COLEC12: variants seen among roughly 807,000 people sequenced by gnomAD.
COLEC12 encodes the protein collectin-12.
COLEC12 carries 33 observed loss-of-function variants against 71.1 expected under a neutral mutation model. The observed-to-expected ratio is 0.46, with a 90% confidence interval of 0.35 to 0.62. The LOEUF is 0.62. Among genes scored for constraint, COLEC12 ranks in the 20% least tolerant of loss-of-function variants. The pLI is 0.00. For synonymous variants in COLEC12, 350 were observed against 353.0 expected, an observed-to-expected ratio of 0.99 and a Z score of 0.10; for missense variants, 765 against 916.1, an observed-to-expected ratio of 0.84 and a Z score of 2.13.
At chr18:352,176 C>A (rs1006888340) in intron 3 of COLEC12, among the ~76,000 whole-genome samples, 2 of 152,158 alleles carry the variant, frequency 1.3e-5, no homozygotes, top group African/African-American at 4.8e-5. Context: ...ACTCCTAAAT[C>A]CCTGGAAACT....
Position 319,382 on chromosome 18 carries a change from AT to A in COLEC12, c.*662del, listed in dbSNP as rs1189868468. 11 of 141,632 alleles carry A rather than the reference AT, an allele frequency of 7.8e-5. No homozygotes were observed. The highest frequency in any genetic ancestry group is 1.5e-4 in the Non-Finnish European group (10 of 65,322). The allele number at this position is 141,632 out of a possible 1,614,324, so 8.8% of individuals were successfully genotyped here. On this transcript the variant is annotated 3_prime_UTR_variant, in exon 10 of 10. Transcript: ENST00000400256. ...TATATATACACATGTATATTTAATT[AT>A]TTTTTTAAAGCCACAATTGAAAAAA...
chr18:335,189 G>A lies in COLEC12; in HGVS notation c.1369C>T (p.Gln457Ter), dbSNP rs1359838524. ...TTGCCAGTTGGGCCAGGGGGTCCCT[G>A]GGATCCTCTGTCACCTCTTGGACCC... is the stretch of plus-strand genomic sequence containing the variant. ...PRGPRGDRGS[Q>*]GPPGPTGNKG... The change falls in exon 6 of 10, where the codon CAG becomes TAG. Residue 457 changes from glutamine to a stop codon, truncating the protein, a stop_gained. Coordinates refer to ENST00000400256, the MANE Select transcript of COLEC12 (RefSeq NM_130386.3). LOFTEE classifies it high-confidence loss of function. The A allele has an allele frequency of 6.2e-7, 1 of 1,611,034 alleles. No individual in the cohort carries two copies. The highest frequency in any genetic ancestry group is 1.7e-5 in the Admixed American group (1 of 59,434).
chr18:407,305 C>A (rs1915809624), intron 2 of COLEC12, among the ~76,000 whole-genome samples: 1 of 152,078 alleles, frequency 6.6e-6, no homozygotes. Flanking sequence ...GGAACAGAAC[C>A]AATAGGTAGT....
Position 357,261 on chromosome 18 carries a change from G to A in COLEC12, c.181+139C>T, listed in dbSNP as rs2143501094. The stretch of plus-strand genomic sequence containing the variant: ...CATAGCTGTAAGTTTAAGATACAGA[G>A]ATGAAGTTTATCATGTTGTTATTTT... On this transcript the variant is annotated intron_variant, in intron 3 of 9. Transcript: ENST00000400256. 3 of 750,986 alleles carry A rather than the reference G, an allele frequency of 4.0e-6. No homozygotes were observed. The East Asian group carries it at 8.3e-5, about 21-fold the overall frequency. 46.5% of individuals were successfully genotyped at this position (750,986 alleles called of 1,614,324 possible).
chr18:341,216 G>A (rs539498734), intron 5 of COLEC12, among the ~76,000 whole-genome samples: 20 of 152,288 alleles, frequency 1.3e-4, no homozygotes, highest in African/African-American at 4.3e-4. Context: ...ATTCATGGTG[G>A]AAGCATGAAT....
intron 2 of COLEC12, among the ~76,000 whole-genome samples, chr18:364,319 A>G (rs190041023): frequency 6.6e-6 from 1 of 152,330 alleles, no homozygotes; most frequent in Admixed American, 6.5e-5. Context: ...TAGTGTCTCA[A>G]AAGAACGCCA....
intron 2 of COLEC12, among the ~76,000 whole-genome samples, chr18:392,740 A>G (rs1915488748): frequency 6.6e-6 from 1 of 152,246 alleles, no homozygotes; most frequent in Non-Finnish European, 1.5e-5. Context: ...TCACAGCAAG[A>G]CATGTGCTGT....
At position 362,718 on chromosome 18, in the gene COLEC12, A is replaced by T. The variant is rs1292318781; in HGVS notation, c.59-5196T>A. Among the ~76,000 whole-genome samples the T allele has an allele frequency of 6.6e-6, 1 of 152,126 alleles. No homozygotes were observed. Among genetic ancestry groups the T allele is most frequent in the Non-Finnish European group, 1.5e-5 (1 of 68,030 alleles). On this transcript the variant is annotated intron_variant, in intron 2 of 9. Coordinates refer to ENST00000400256, the MANE Select transcript of COLEC12 (RefSeq NM_130386.3). The surrounding 1 kb of genome is among the most constrained non-coding windows in gnomAD (Gnocchi z 4.6). ...CCAGCGTGCCAAAGAACCTGGCGCC[A>T]ATAGCACATTTGAAATTCAGAGGCC...
chr18:416,698 C>T (rs983451529), intron 2 of COLEC12, among the ~76,000 whole-genome samples: 3 of 152,106 alleles, frequency 2.0e-5, no homozygotes, highest in Non-Finnish European at 4.4e-5. Flanking sequence ...AGATCCTTCC[C>T]TTTGGGGGTC....
intron 2 of COLEC12, among the ~76,000 whole-genome samples, chr18:368,745 A>G (rs1015078085): frequency 7.9e-5 from 12 of 152,154 alleles, no homozygotes; most frequent in Admixed American, 7.2e-4. Context: ...GGGCGCCTGT[A>G]GTCCCAGCTA....
rs549360804 is a variant in COLEC12, at chr18:412,656, A to C, written c.59-55134T>G. On this transcript the variant is annotated intron_variant, in intron 2 of 9. Transcript: ENST00000400256. ...GGTCTGGTTCTTAATGTATATAGGTAAATTTAAAGACAAACATATTATAAA... is the reference window on the plus strand; with the variant it reads ...GGTCTGGTTCTTAATGTATATAGGTCAATTTAAAGACAAACATATTATAAA... Among the ~76,000 whole-genome samples, 3 of 152,304 alleles carry C rather than the reference A, an allele frequency of 2.0e-5. No homozygotes were observed. In the South Asian group the frequency reaches 6.2e-4, roughly 32 times the overall value.
intron 3 of COLEC12, among the ~76,000 whole-genome samples, chr18:349,172 GA>G: frequency 6.6e-6 from 1 of 152,338 alleles, no homozygotes; most frequent in Admixed American, 6.5e-5. Flanking sequence ...AGGCCCAGGA[GA>G]AAATGGTTTC....
intron 8 of COLEC12, 42 bp downstream of exon 8, chr18:331,626 G>T: frequency 7.8e-7 from 1 of 1,274,580 alleles, no homozygotes; most frequent in Non-Finnish European, 1.1e-6. Flanking sequence ...CAACAGAACA[G>T]TGAGAGCCTG....
At chr18:377,998 G>C (rs1054240122) in intron 2 of COLEC12, among the ~76,000 whole-genome samples, 1 of 152,090 alleles carries the variant, frequency 6.6e-6, no homozygotes, top group African/African-American at 2.4e-5. Flanking sequence ...CAACCAAAAA[G>C]AGAATATAGA....
chr18:374,076 T>C (rs573852010), intron 2 of COLEC12, among the ~76,000 whole-genome samples: 1 of 152,222 alleles, frequency 6.6e-6, no homozygotes, highest in South Asian at 2.1e-4. Context: ...ATTGCTAGAA[T>C]TGGAGGTATT....
At chr18:376,289 T>C (rs1915112266) in intron 2 of COLEC12, among the ~76,000 whole-genome samples, 1 of 152,178 alleles carries the variant, frequency 6.6e-6, no homozygotes, top group South Asian at 2.1e-4. Context: ...TGGCATTCTG[T>C]TTACTTCCTA....
chr18:390,001 C>T (rs1395698869), intron 2 of COLEC12, among the ~76,000 whole-genome samples: 1 of 152,226 alleles, frequency 6.6e-6, no homozygotes, highest in East Asian at 1.9e-4. Context: ...TTGTTCTAAT[C>T]TAAGGCTAAA....
chr18:423,846 A>T (rs1192980349), intron 2 of COLEC12: 1 of 152,072 alleles, frequency 6.6e-6, no homozygotes, highest in Non-Finnish European at 1.5e-5. Flanking sequence ...GAGGTGTAAG[A>T]AGTGCTTGGA....
chr18:330,818 A>G lies in COLEC12; in HGVS notation c.2063+850T>C, dbSNP rs371439699. On this transcript the variant is annotated intron_variant, in intron 8 of 9. Transcript: ENST00000400256. ...AGGGGATGGTTATCCCGCAAATGCAACTTTGTTTATAGTGTATTTTAACTT... is the reference window on the plus strand; with the variant it reads ...AGGGGATGGTTATCCCGCAAATGCAGCTTTGTTTATAGTGTATTTTAACTT... Among the ~76,000 whole-genome samples, 25 of 151,324 alleles carry G rather than the reference A, an allele frequency of 1.7e-4. No homozygotes were observed. The South Asian group carries it at 5.2e-3, about 31-fold the overall frequency.
Sources: gnomAD v4.1 joint callset for allele counts (sites outside exome capture counted in the v4.1 genomes callset) on GRCh38, gnomAD v4.1.1 for gene constraint, Gnocchi (gnomAD v3.1) non-coding constraint, MANE v1.5 for transcripts, NCBI Gene and HGNC (gene_info 2026-07-23, HGNC 2026-07-21) for gene names.